The following XKR9 variants were observed in gnomAD, a reference collection of about 807,000 sequenced individuals.
The protein encoded by XKR9 is XK-related protein 9.
A neutral mutation model predicts 32.0 loss-of-function variants in XKR9; 32 were observed. The observed-to-expected ratio is 1.00, with a 90% CI of 0.76 to 1.34. The LOEUF (loss-of-function observed/expected upper bound fraction) is 1.34, where lower values mean the gene tolerates loss of function less well. Among genes scored for constraint, XKR9 ranks in the 40% most tolerant of loss-of-function variants. XKR9 has a pLI of 0.00. For missense variants in XKR9, 546 were observed against 429.7 expected, an observed-to-expected ratio of 1.27 and a Z score of -2.39; for synonymous variants, 168 against 143.4, an observed-to-expected ratio of 1.17 and a Z score of -1.22.
intron 2 of XKR9, among the ~76,000 whole-genome samples, chr8:70,768,172 T>C (rs1807404074): frequency 6.6e-6 from 1 of 152,230 alleles, no homozygotes; most frequent in Non-Finnish European, 1.5e-5. Context: ...CTTAATTTTG[T>C]TATTTACCTA....
intron 2 of XKR9, among the ~76,000 whole-genome samples, chr8:70,782,797 G>A (rs1807634515): frequency 6.6e-6 from 1 of 151,932 alleles, no homozygotes; most frequent in African/African-American, 2.4e-5. Flanking sequence ...TGCGTATGTA[G>A]ACCACATTTT....
intron 2 of XKR9, among the ~76,000 whole-genome samples, chr8:70,767,496 CTTTTT>C (rs34400671): frequency 2.0e-5 from 2 of 99,350 alleles, no homozygotes; most frequent in Non-Finnish European, 1.9e-5. Flanking sequence ...TCTTTTCCTT[CTTTTT>C]TTTTTTTTTT....
chr8:70,808,754 G>C, the XKR9 span, among the ~76,000 whole-genome samples: 3 of 152,206 alleles, frequency 2.0e-5, no homozygotes, highest in African/African-American at 7.2e-5. Context: ...GGGGAGGGGC[G>C]CCAGCCATTG....
the XKR9 span, among the ~76,000 whole-genome samples, chr8:70,962,838 G>A: frequency 2.0e-5 from 3 of 152,100 alleles, no homozygotes; most frequent in African/African-American, 7.2e-5. Flanking sequence ...TACTAATTAG[G>A]ACTCTGGGAT....
At chr8:71,030,827 A>T in the XKR9 span, among the ~76,000 whole-genome samples, 1 of 152,186 alleles carries the variant, frequency 6.6e-6, no homozygotes, top group South Asian at 2.1e-4. Flanking sequence ...TGAGGTTCAC[A>T]CTTTAGAATC....
chr8:70,878,095 C>A, the XKR9 span, among the ~76,000 whole-genome samples: 1 of 152,178 alleles, frequency 6.6e-6, no homozygotes, highest in Non-Finnish European at 1.5e-5. Context: ...AAATCCTTTA[C>A]AGACAAGCAA....
chr8:70,975,324 T>C, the XKR9 span, among the ~76,000 whole-genome samples: 1 of 152,262 alleles, frequency 6.6e-6, no homozygotes, highest in South Asian at 2.1e-4. Context: ...CCCATGCCTA[T>C]GTCCTGAATG....
At chr8:70,975,300 T>A in the XKR9 span, among the ~76,000 whole-genome samples, 3 of 152,294 alleles carry the variant, frequency 2.0e-5, no homozygotes, top group East Asian at 1.9e-4. Context: ...GGTGTTTTAG[T>A]CATGAAGTCC....
chr8:70,887,322 G>A, the XKR9 span, among the ~76,000 whole-genome samples: 1 of 152,112 alleles, frequency 6.6e-6, no homozygotes, highest in Non-Finnish European at 1.5e-5. Context: ...TTTGGTTACT[G>A]TAGTCTTGTA....
chr8:70,740,462 T>C (rs1227336724), downstream of XKR9, among the ~76,000 whole-genome samples: 1 of 152,228 alleles, frequency 6.6e-6, no homozygotes, highest in Non-Finnish European at 1.5e-5. Context: ...CCTTCTTCTC[T>C]CAACTCGTCA....
At chr8:70,776,947 C>CTCTCTATCTATATATATATATATATA in intron 2 of XKR9, among the ~76,000 whole-genome samples, 1 of 54,222 alleles carries the variant, frequency 1.8e-5, no homozygotes, top group African/African-American at 7.9e-5. Context: ...CTCTCTCTCT[C>CTCTCTATCTATATATATATATATATA]TATATATATA....
At chr8:70,736,198 A>G (rs899626287), downstream of XKR9, among the ~76,000 whole-genome samples, 1 of 152,064 alleles carries the variant, frequency 6.6e-6, no homozygotes, top group Non-Finnish European at 1.5e-5. Context: ...TTTGATTTGC[A>G]TTTCTCTGAT....
At chr8:70,739,849 A>C (rs1477752644), downstream of XKR9, among the ~76,000 whole-genome samples, 2 of 152,144 alleles carry the variant, frequency 1.3e-5, no homozygotes, top group African/African-American at 4.8e-5. Flanking sequence ...CGTTGGTCTG[A>C]TGGGCTTCCC....
At chr8:70,739,451 C>G (rs1429669475), downstream of XKR9, among the ~76,000 whole-genome samples, 6 of 152,128 alleles carry the variant, frequency 3.9e-5, no homozygotes, top group Non-Finnish European at 8.8e-5. Flanking sequence ...TTAACTGGAG[C>G]ATTTAGTCCA....
the XKR9 span, among the ~76,000 whole-genome samples, chr8:70,830,313 G>A: frequency 1.3e-5 from 2 of 151,910 alleles, no homozygotes; most frequent in African/African-American, 2.4e-5. Context: ...AGGCGCCACA[G>A]CTCATGTCTG....
chr8:70,897,260 C>T, the XKR9 span, among the ~76,000 whole-genome samples: 23 of 152,188 alleles, frequency 1.5e-4, no homozygotes, highest in South Asian at 1.2e-3. Flanking sequence ...GTGTATGTAC[C>T]ACTTTTTCTT....
the XKR9 span, among the ~76,000 whole-genome samples, chr8:70,888,040 G>A: frequency 6.6e-6 from 1 of 152,014 alleles, no homozygotes; most frequent in East Asian, 1.9e-4. Context: ...TGCCCATTCA[G>A]TATGATATTG....
intron 2 of XKR9, among the ~76,000 whole-genome samples, chr8:70,768,949 G>T (rs548313614): frequency 6.6e-6 from 1 of 152,070 alleles, no homozygotes; most frequent in Non-Finnish European, 1.5e-5. Flanking sequence ...ATATTGTTAT[G>T]TGTGAATTTG....
chr8:70,851,814 T>C, the XKR9 span, among the ~76,000 whole-genome samples: 1 of 152,162 alleles, frequency 6.6e-6, no homozygotes. Flanking sequence ...ACATAAGACC[T>C]AAAACCATAA....
Sources: allele counts gnomAD v4.1 joint callset (sites outside exome capture counted in the v4.1 genomes callset), GRCh38; gene constraint gnomAD v4.1.1; transcripts MANE v1.5; gene names NCBI Gene and HGNC (gene_info 2026-07-23, HGNC 2026-07-21).